Variants in NEK11 observed in about 807,000 individuals in gnomAD.
NEK11 encodes serine/threonine-protein kinase Nek11.
Under a neutral mutation model 80.7 loss-of-function variants are expected in NEK11, and 72 were observed. The ratio of observed to expected loss-of-function variants is 0.89; its 90% CI spans 0.74 to 1.08. The LOEUF (loss-of-function observed/expected upper bound fraction) is 1.08. Among genes scored for constraint, NEK11 ranks in the 50% least tolerant of loss-of-function variants. The pLI is 0.00. For missense variants in NEK11, 764 were observed against 763.6 expected (o/e 1.00, Z -0.01); for synonymous variants, 251 against 260.7 (o/e 0.96, Z 0.36).
chr3:131,170,682 G>T (rs1261183450), intron 13 of NEK11, 91 bp from the exon 14 acceptor site: 15 of 834,284 alleles, frequency 1.8e-5, no homozygotes, highest in South Asian at 1.2e-4. Context: ...TTGTTTCCAA[G>T]TAGTCTTCTA....
At chr3:131,146,765 G>C (rs1174897448) in intron 7 of NEK11, among the ~76,000 whole-genome samples, 1 of 151,980 alleles carries the variant, frequency 6.6e-6, no homozygotes, top group Non-Finnish European at 1.5e-5. Context: ...TGTAGTGGTA[G>C]TACACAGTGG....
At chr3:131,193,686 TATG>T (rs2093889561) in intron 14 of NEK11, among the ~76,000 whole-genome samples, 2 of 152,182 alleles carry the variant, frequency 1.3e-5, no homozygotes, top group East Asian at 3.8e-4. Flanking sequence ...TTACTGAGAT[TATG>T]CACTTTTATG....
At chr3:131,223,818 G>A (rs746302829) in intron 14 of NEK11, among the ~76,000 whole-genome samples, 4 of 152,082 alleles carry the variant, frequency 2.6e-5, no homozygotes, top group Non-Finnish European at 5.9e-5. Flanking sequence ...AAATGCCTGC[G>A]GGTTCCTGTG....
At chr3:131,109,754 T>C in intron 4 of NEK11, 49 bp from the exon 5 acceptor site, 1 of 1,533,638 alleles carries the variant, frequency 6.5e-7, no homozygotes. Context: ...TGAACTTGAT[T>C]TTAACATATT....
chr3:131,281,640 CTTAG>C (rs1472745820), intron 17 of NEK11, among the ~76,000 whole-genome samples: 1 of 152,114 alleles, frequency 6.6e-6, no homozygotes, highest in Non-Finnish European at 1.5e-5. Flanking sequence ...AGTGAGATTG[CTTAG>C]TTAGAGAATA....
Position 131,118,929 on chromosome 3 carries a change from A to G in NEK11, c.455+9008A>G, listed in dbSNP as rs2081846524. On this transcript the variant is annotated intron_variant, in intron 5 of 17. Transcript: ENST00000383366. The stretch of plus-strand genomic sequence containing the variant: ...GATCTTTTGAAAAACCAGCTCCTGG[A>G]TTGATTGATTTTTTGAAGGGTTTTT... 2.0e-5 allele frequency among the ~76,000 whole-genome samples: 3 copies of G among 151,786 alleles called. No individual in the cohort carries two copies. The South Asian group carries it at 6.2e-4, about 32-fold the overall frequency.
intron 15 of NEK11, among the ~76,000 whole-genome samples, chr3:131,234,510 C>T (rs905125972): frequency 6.6e-6 from 1 of 152,190 alleles, no homozygotes; most frequent in African/African-American, 2.4e-5. Context: ...AAGCCATCAG[C>T]CTTGCTACAG....
intron 17 of NEK11, among the ~76,000 whole-genome samples, chr3:131,348,200 C>T (rs2097395355): frequency 6.6e-6 from 1 of 151,996 alleles, no homozygotes; most frequent in Non-Finnish European, 1.5e-5. Context: ...ATAAAATATT[C>T]CCCTAAAATG....
At chr3:131,165,391 G>T (rs527343087) in intron 11 of NEK11, 35 bp from the exon 12 acceptor site, 3 of 1,275,958 alleles carry the variant, frequency 2.4e-6, no homozygotes, top group Non-Finnish European at 2.3e-6. Flanking sequence ...TTAGCAATTC[G>T]CAGTTATTTT....
rs779934944 is a variant in NEK11, at chr3:131,349,896, T to C, written c.*120T>C. ...AAAAGCAGAGCTCCCATCTTGACTT[T>C]CAATTCCTCATCAGAAGTACTGGCT... is the stretch of plus-strand genomic sequence containing the variant. On this transcript the variant is annotated 3_prime_UTR_variant, in exon 18 of 18. Transcript: ENST00000383366. The C allele has an allele frequency of 5.5e-6, 4 of 724,290 alleles. No homozygotes were observed. In the Admixed American group the frequency reaches 1.1e-4, roughly 20 times the overall value. 44.9% of individuals were successfully genotyped at this position (724,290 alleles called of 1,614,324 possible).
intron 16 of NEK11, among the ~76,000 whole-genome samples, chr3:131,267,197 T>G (rs907354624): frequency 2.0e-5 from 3 of 152,252 alleles, no homozygotes; most frequent in African/African-American, 4.8e-5. Context: ...CATTTAAGAT[T>G]AATATTGTTA....
intron 3 of NEK11, among the ~76,000 whole-genome samples, chr3:131,075,215 G>C (rs568847445): frequency 4.6e-5 from 7 of 152,230 alleles, no homozygotes; most frequent in African/African-American, 1.7e-4. Flanking sequence ...CTAGTTCCAC[G>C]GGTTTAATTG....
At chr3:131,195,815 T>TATATATATATATATATATATATATAA (rs1305832619) in intron 14 of NEK11, among the ~76,000 whole-genome samples, 4 of 146,802 alleles carry the variant, frequency 2.7e-5, no homozygotes, top group African/African-American at 1.0e-4. Context: ...TATATATATA[T>TATATATATATATATATATATATATAA]ATATAAAATT....
At chr3:131,293,169 T>A (rs185774539) in intron 17 of NEK11, among the ~76,000 whole-genome samples, 97 of 152,220 alleles carry the variant, frequency 6.4e-4, no homozygotes, top group African/African-American at 2.3e-3. Flanking sequence ...GTAACTGACA[T>A]TAGTTGGAAA....
chr3:131,343,634 T>C (rs115718073), intron 17 of NEK11, among the ~76,000 whole-genome samples: 11 of 152,308 alleles, frequency 7.2e-5, no homozygotes, highest in Admixed American at 1.3e-4. Context: ...CCTAGGAAGA[T>C]GCTTCCAAGC....
At chr3:131,112,049 A>G (rs2080220803) in intron 5 of NEK11, among the ~76,000 whole-genome samples, 1 of 152,186 alleles carries the variant, frequency 6.6e-6, no homozygotes. Flanking sequence ...CCAAACATAC[A>G]AATAGCTATG....
intron 17 of NEK11, among the ~76,000 whole-genome samples, chr3:131,292,580 A>G (rs547039968): frequency 6.7e-6 from 1 of 148,952 alleles, no homozygotes; most frequent in African/African-American, 2.5e-5. Flanking sequence ...CAGTGGTGTG[A>G]TGATAGCTCA....
At chr3:131,034,290 A>G (rs1413226467) in intron 3 of NEK11, among the ~76,000 whole-genome samples, 1 of 152,248 alleles carries the variant, frequency 6.6e-6, no homozygotes, top group African/African-American at 2.4e-5. Context: ...TGTTGGTTAT[A>G]ATGATTTTTA....
intron 14 of NEK11, among the ~76,000 whole-genome samples, chr3:131,214,661 A>T (rs2094754268): frequency 6.6e-6 from 1 of 151,372 alleles, no homozygotes; most frequent in Admixed American, 6.6e-5. Context: ...CAAAAGGATC[A>T]TGGAGCTTAT....
Sources: gnomAD v4.1 joint callset for allele counts (sites outside exome capture counted in the v4.1 genomes callset) on GRCh38, gnomAD v4.1.1 for gene constraint, MANE v1.5 for transcripts, NCBI Gene and HGNC (gene_info 2026-07-23, HGNC 2026-07-21) for gene names.